KCNQ5: variants seen among roughly 807,000 people sequenced by gnomAD.
The protein encoded by KCNQ5 is potassium voltage-gated channel subfamily KQT member 5.
A neutral mutation model predicts 98.2 loss-of-function variants in KCNQ5; 30 were observed. That is an observed-to-expected ratio of 0.31 (90% CI 0.23 to 0.41). The LOEUF (loss-of-function observed/expected upper bound fraction) is 0.41, where lower values mean the gene tolerates loss of function less well. KCNQ5 is among the 10% of genes least tolerant of loss of function. The pLI, the probability that KCNQ5 is intolerant of heterozygous loss-of-function variation, is 1.00. For synonymous variants in KCNQ5, 458 were observed against 449.4 expected (o/e 1.02, Z -0.24); for missense variants, 835 against 1,182.5 (o/e 0.71, Z 4.31).
chr6:72,720,430 G>T (rs1769897559), intron 1 of KCNQ5, among the ~76,000 whole-genome samples: 1 of 152,064 alleles, frequency 6.6e-6, no homozygotes, highest in Non-Finnish European at 1.5e-5. Flanking sequence ...TTCCTCCGTG[G>T]TTCTCACTTA....
chr6:73,192,819 T>A, intron 13 of KCNQ5, 128 bp downstream of exon 13: 1 of 856,128 alleles, frequency 1.2e-6, no homozygotes, highest in Non-Finnish European at 1.6e-6. Context: ...TGAATAAAAT[T>A]AAATTTTCTT....
At chr6:73,098,394 T>C (rs1468067887) in intron 5 of KCNQ5, among the ~76,000 whole-genome samples, 3 of 151,974 alleles carry the variant, frequency 2.0e-5, no homozygotes, top group Non-Finnish European at 2.9e-5. Context: ...GAGAAAGATA[T>C]CAATATTCAA....
chr6:73,152,681 C>G (rs988495200), intron 10 of KCNQ5, among the ~76,000 whole-genome samples: 1 of 152,098 alleles, frequency 6.6e-6, no homozygotes, highest in Non-Finnish European at 1.5e-5. Context: ...ATGTTGGAGA[C>G]TAGAAGGGTG....
chr6:72,915,351 G>A (rs1390513064), intron 1 of KCNQ5, among the ~76,000 whole-genome samples: 1 of 151,912 alleles, frequency 6.6e-6, no homozygotes, highest in Non-Finnish European at 1.5e-5. Flanking sequence ...CTGGCTTCAA[G>A]GATATTTTGC....
intron 3 of KCNQ5, 142 bp downstream of exon 3, chr6:73,042,204 A>G: frequency 1.1e-6 from 1 of 912,584 alleles, no homozygotes; most frequent in Non-Finnish European, 1.8e-6. Flanking sequence ...TGTCTTGAAA[A>G]TGTTGACTCA....
At chr6:73,090,172 G>C (rs1446962912) in intron 5 of KCNQ5, among the ~76,000 whole-genome samples, 1 of 152,112 alleles carries the variant, frequency 6.6e-6, no homozygotes, top group Non-Finnish European at 1.5e-5. Context: ...GCGATGTTGA[G>C]CATTTTTTCA....
chr6:72,634,928 A>G (rs1328770814), intron 1 of KCNQ5, among the ~76,000 whole-genome samples: 1 of 152,190 alleles, frequency 6.6e-6, no homozygotes. Flanking sequence ...AACTATTTGA[A>G]TGTTTTAACT....
At chr6:72,737,898 C>G (rs9360594) in intron 1 of KCNQ5, among the ~76,000 whole-genome samples, 56,724 of 151,926 alleles carry the variant, frequency 0.37, 14,030 homozygotes, top group African/African-American at 0.68. Context: ...GCTCACACCT[C>G]TAATCCCAGC....
At chr6:73,113,417 C>T (rs995846862) in intron 7 of KCNQ5, among the ~76,000 whole-genome samples, 3 of 152,182 alleles carry the variant, frequency 2.0e-5, no homozygotes, top group African/African-American at 7.2e-5. Flanking sequence ...TTCTCATGCA[C>T]ATATCAATTG....
rs778905319 is a variant in KCNQ5 at position 72,622,507 on chromosome 6, C to A, written c.318C>A (p.Val106=). The A allele has an allele frequency of 2.2e-5, 36 of 1,611,280 alleles. No individual in the cohort carries two copies. In the African/African-American group the frequency reaches 2.7e-4, roughly 12 times the overall value. ...GTAGCCAGAGCTGCCGGCGCAACGT[C>A]AAGTACCGGCGGGTGCAGAACTACC... ...YTSSQSCRRN[V]KYRRVQNYLY... is the part of the protein sequence containing the mutation. The change falls in exon 1 of 14, where the codon GTC becomes GTA. Residue 106 remains valine (V), a synonymous_variant. Transcript: ENST00000370398. The surrounding 1 kb of genome is among the most constrained non-coding windows in gnomAD (Gnocchi z 6.0).
At chr6:72,961,813 C>A (rs566106506) in intron 1 of KCNQ5, among the ~76,000 whole-genome samples, 52 of 151,964 alleles carry the variant, frequency 3.4e-4, no homozygotes, top group African/African-American at 1.2e-3. Context: ...CAGAGGAGAA[C>A]AGAGAGATTA....
intron 1 of KCNQ5, among the ~76,000 whole-genome samples, chr6:72,923,726 C>T (rs1353109922): frequency 2.0e-5 from 3 of 152,176 alleles, no homozygotes; most frequent in African/African-American, 4.8e-5. Context: ...TCTGCAGTGT[C>T]TACTGTTCCC....
chr6:72,665,915 T>C (rs1766787679), intron 1 of KCNQ5, among the ~76,000 whole-genome samples: 1 of 152,220 alleles, frequency 6.6e-6, no homozygotes, highest in Non-Finnish European at 1.5e-5. Context: ...TTAGTCATTA[T>C]TTGGCTTCTG....
At chr6:72,794,109 C>T (rs373074621) in intron 1 of KCNQ5, among the ~76,000 whole-genome samples, 4 of 152,196 alleles carry the variant, frequency 2.6e-5, no homozygotes, top group East Asian at 1.9e-4. Context: ...ATAGTAGCTG[C>T]GCACACAAAT....
At chr6:72,824,885 C>T (rs1775922607) in intron 1 of KCNQ5, among the ~76,000 whole-genome samples, 1 of 152,022 alleles carries the variant, frequency 6.6e-6, no homozygotes, top group Admixed American at 6.6e-5. Context: ...TAACACAATT[C>T]TGTGATAATA....
chr6:72,711,786 T>G (rs540053036), intron 1 of KCNQ5, among the ~76,000 whole-genome samples: 2 of 152,324 alleles, frequency 1.3e-5, no homozygotes, highest in South Asian at 4.1e-4. Flanking sequence ...CAAGGATTTC[T>G]TCTACATTTC....
chr6:72,885,175 C>T (rs1036696234), intron 1 of KCNQ5, among the ~76,000 whole-genome samples: 4 of 152,148 alleles, frequency 2.6e-5, no homozygotes, highest in Non-Finnish European at 5.9e-5. Context: ...TTTAATTTGT[C>T]AGCTTCATAA....
At chr6:72,802,730 C>T (rs951626690) in intron 1 of KCNQ5, among the ~76,000 whole-genome samples, 2 of 152,132 alleles carry the variant, frequency 1.3e-5, no homozygotes, top group Non-Finnish European at 2.9e-5. Flanking sequence ...TCCAAGAACT[C>T]ATGTCTCACC....
intron 1 of KCNQ5, among the ~76,000 whole-genome samples, chr6:72,774,465 A>G (rs1773063449): frequency 6.6e-6 from 1 of 152,202 alleles, no homozygotes; most frequent in African/African-American, 2.4e-5. Context: ...ACCAAAAAAT[A>G]AGATGTGCTA....
Sources: gnomAD v4.1 joint callset for allele counts (sites outside exome capture counted in the v4.1 genomes callset) on GRCh38, gnomAD v4.1.1 for gene constraint, Gnocchi (gnomAD v3.1) non-coding constraint, MANE v1.5 for transcripts, NCBI Gene and HGNC (gene_info 2026-07-23, HGNC 2026-07-21) for gene names.